MACROD2: variants seen among roughly 807,000 people sequenced by gnomAD.
MACROD2 encodes the protein mono-ADP ribosylhydrolase 2.
Under a neutral mutation model 70.4 loss-of-function variants are expected in MACROD2, and 36 were observed. That is an observed-to-expected ratio of 0.51 (90% CI 0.39 to 0.68). The LOEUF is 0.68. Ranked by LOEUF, MACROD2 falls within the 30% of genes least tolerant of loss-of-function variation. The pLI is 0.00. For missense variants in MACROD2, 496 were observed against 538.4 expected, an observed-to-expected ratio of 0.92 and a Z score of 0.78; for synonymous variants, 172 against 178.8, an observed-to-expected ratio of 0.96 and a Z score of 0.30.
chr20:14,646,482 A>G (rs1846683846), intron 4 of MACROD2, among the ~76,000 whole-genome samples: 1 of 152,114 alleles, frequency 6.6e-6, no homozygotes, highest in South Asian at 2.1e-4. Flanking sequence ...TTATAGTATT[A>G]TATTATCCAA....
chr20:14,052,858 T>C (rs2053586073), intron 2 of MACROD2, among the ~76,000 whole-genome samples: 1 of 152,282 alleles, frequency 6.6e-6, no homozygotes. Flanking sequence ...TGCATTAGTA[T>C]GTGGGGAAGT....
At chr20:14,780,449 C>G (rs1372106486) in intron 5 of MACROD2, among the ~76,000 whole-genome samples, 2 of 151,532 alleles carry the variant, frequency 1.3e-5, no homozygotes, top group Non-Finnish European at 2.9e-5. Context: ...GTAATCCCAG[C>G]TACTCGGGAG....
intron 5 of MACROD2, among the ~76,000 whole-genome samples, chr20:15,010,466 C>T (rs1368685956): frequency 2.0e-5 from 3 of 152,172 alleles, no homozygotes; most frequent in Non-Finnish European, 2.9e-5. Flanking sequence ...ACTCCTAAAA[C>T]AAATGTACAG....
intron 5 of MACROD2, among the ~76,000 whole-genome samples, chr20:14,733,760 A>C (rs2071625338): frequency 6.6e-6 from 1 of 152,176 alleles, no homozygotes; most frequent in African/African-American, 2.4e-5. Flanking sequence ...TTTTTCCCCA[A>C]ACTGGGGTAA....
chr20:15,384,470 C>T (rs1011919609), intron 6 of MACROD2, among the ~76,000 whole-genome samples: 1 of 152,014 alleles, frequency 6.6e-6, no homozygotes, highest in Admixed American at 6.6e-5. Context: ...CACCATGTTG[C>T]CCAGGCTGAA....
intron 6 of MACROD2, among the ~76,000 whole-genome samples, chr20:15,380,254 A>C (rs1022451205): frequency 6.6e-6 from 1 of 152,174 alleles, no homozygotes; most frequent in African/African-American, 2.4e-5. Flanking sequence ...TTGTAGCAGG[A>C]TGTTAGAATG....
intron 8 of MACROD2, among the ~76,000 whole-genome samples, chr20:15,665,240 A>G (rs2049880746): frequency 6.6e-6 from 1 of 152,176 alleles, no homozygotes; most frequent in Admixed American, 6.5e-5. Context: ...GCCAGTTGTG[A>G]GTCTTCTTCT....
rs145542061 is a variant in MACROD2, at chr20:15,960,692, A to G, written c.908-6861A>G. ...GAGTGCATTCAGAAACATCTCCCTG[A>G]AGGGTGAGGAAGCTGGGGTATTTAT... On this transcript the variant is annotated intron_variant, in intron 12 of 17. Transcript: ENST00000684519. 3.7e-3 allele frequency among the ~76,000 whole-genome samples: 561 copies of G among 152,164 alleles called. 4 individuals carry two copies. Among genetic ancestry groups the G allele is most frequent in the African/African-American group, 0.013 (538 of 41,532 alleles).
At chr20:15,008,165 A>G (rs2075054503) in intron 5 of MACROD2, among the ~76,000 whole-genome samples, 2 of 152,194 alleles carry the variant, frequency 1.3e-5, no homozygotes, top group Non-Finnish European at 2.9e-5. Flanking sequence ...GACCAATTAT[A>G]AGATTATTTA....
chr20:14,904,379 A>G (rs1481298297), intron 5 of MACROD2, among the ~76,000 whole-genome samples: 1 of 152,194 alleles, frequency 6.6e-6, no homozygotes, highest in Admixed American at 6.5e-5. Flanking sequence ...ATCTTTTATG[A>G]TAGAACTAAA....
chr20:15,958,036 T>C (rs2066002251), intron 12 of MACROD2, among the ~76,000 whole-genome samples: 1 of 152,260 alleles, frequency 6.6e-6, no homozygotes, highest in Admixed American at 6.5e-5. Flanking sequence ...TATTCAGTCC[T>C]TAGATTATAG....
In MACROD2 at chr20:14,907,788, G is replaced by C. The variant is rs2122578437; in HGVS notation, c.418+222829G>C. Reference sequence around the variant, plus strand: ...AAAGGGCTTTTCATGTCCAACGAAAGAGTTTAGATATTGACTATTGATTCC... The same window carrying C: ...AAAGGGCTTTTCATGTCCAACGAAACAGTTTAGATATTGACTATTGATTCC... On this transcript the variant is annotated intron_variant, in intron 5 of 17. Coordinates refer to ENST00000684519, the MANE Select transcript of MACROD2 (RefSeq NM_001351661.2). Among the ~76,000 whole-genome samples, 5 of 152,248 alleles carry C rather than the reference G, an allele frequency of 3.3e-5. 1 individual carries two copies. The South Asian group carries it at 1.0e-3, about 32-fold the overall frequency.
intron 5 of MACROD2, among the ~76,000 whole-genome samples, chr20:14,940,200 G>A (rs2074378555): frequency 6.6e-6 from 1 of 150,570 alleles, no homozygotes; most frequent in African/African-American, 2.4e-5. Context: ...TGGGTGTGGT[G>A]GCACATGCCT....
At chr20:14,270,508 G>A (rs143617765) in intron 3 of MACROD2, among the ~76,000 whole-genome samples, 26 of 149,962 alleles carry the variant, frequency 1.7e-4, no homozygotes, top group Middle Eastern at 3.4e-3. Context: ...AGAATTGCTT[G>A]AACCCGGGAG....
At chr20:14,263,754 A>C (rs988847913) in intron 3 of MACROD2, among the ~76,000 whole-genome samples, 6 of 151,966 alleles carry the variant, frequency 3.9e-5, no homozygotes, top group African/African-American at 1.5e-4. Flanking sequence ...TGAGCCCAGG[A>C]GGTTGAGACC....
chr20:15,851,424 T>A (rs1442002413), intron 8 of MACROD2, among the ~76,000 whole-genome samples: 1 of 152,082 alleles, frequency 6.6e-6, no homozygotes, highest in Non-Finnish European at 1.5e-5. Context: ...GCATTTCTTC[T>A]GAGGTTTCTC....
chr20:15,689,893 A>C (rs1268151458), intron 8 of MACROD2, among the ~76,000 whole-genome samples: 1 of 152,210 alleles, frequency 6.6e-6, no homozygotes, highest in African/African-American at 2.4e-5. Context: ...TGGGGCCAGC[A>C]AAAGGTGTTG....
chr20:15,396,665 TTTTG>T (rs2045864280), intron 6 of MACROD2, among the ~76,000 whole-genome samples: 2 of 152,196 alleles, frequency 1.3e-5, no homozygotes, highest in Non-Finnish European at 2.9e-5. Context: ...TTTTATTTGT[TTTTG>T]TTTGTTTGTT....
At chr20:15,325,161 C>T (rs1600243666) in intron 6 of MACROD2, among the ~76,000 whole-genome samples, 1 of 152,076 alleles carries the variant, frequency 6.6e-6, no homozygotes, top group Non-Finnish European at 1.5e-5. Flanking sequence ...TACAATCTTT[C>T]ACCCCATTGG....
Sources: gnomAD v4.1 joint callset for allele counts (sites outside exome capture counted in the v4.1 genomes callset) on GRCh38, gnomAD v4.1.1 for gene constraint, MANE v1.5 for transcripts, NCBI Gene and HGNC (gene_info 2026-07-23, HGNC 2026-07-21) for gene names.